CADM2: variants seen among roughly 807,000 people sequenced by gnomAD.
CADM2 encodes immunoglobulin superfamily member 4D.
Under a neutral mutation model 49.8 loss-of-function variants are expected in CADM2, and 12 were observed. The observed-to-expected ratio is 0.24, with a 90% CI of 0.15 to 0.39. The LOEUF (loss-of-function observed/expected upper bound fraction) is 0.39, where lower values mean the gene tolerates loss of function less well. Ranked by LOEUF, CADM2 falls within the 10% of genes least tolerant of loss-of-function variation. The probability of loss-of-function intolerance (pLI) is 1.00; values close to 1 mark genes in which losing one functional copy is unlikely to be tolerated. For missense variants in CADM2, 378 were observed against 492.3 expected, an observed-to-expected ratio of 0.77 and a Z score of 2.20; for synonymous variants, 214 against 175.4, an observed-to-expected ratio of 1.22 and a Z score of -1.74.
intron 5 of CADM2, among the ~76,000 whole-genome samples, chr3:85,892,036 C>G (rs1302816766): frequency 6.6e-6 from 1 of 152,142 alleles, no homozygotes; most frequent in East Asian, 1.9e-4. Flanking sequence ...TTCATGGTCA[C>G]ACATCTGGCA....
chr3:84,965,578 T>A (rs935938151), intron 1 of CADM2, among the ~76,000 whole-genome samples: 3 of 152,242 alleles, frequency 2.0e-5, no homozygotes, highest in Non-Finnish European at 2.9e-5. Context: ...GGTGAACATT[T>A]AATTTTCTTC....
chr3:85,377,032 T>C (rs2033631296), intron 1 of CADM2, among the ~76,000 whole-genome samples: 1 of 152,090 alleles, frequency 6.6e-6, no homozygotes, highest in Non-Finnish European at 1.5e-5. Flanking sequence ...CATAACAGAA[T>C]CTGACCTAGT....
chr3:85,260,929 C>T (rs2043001487), intron 1 of CADM2, among the ~76,000 whole-genome samples: 1 of 152,112 alleles, frequency 6.6e-6, no homozygotes, highest in South Asian at 2.1e-4. Context: ...AATCGGTTCT[C>T]AGAAATCTTA....
At chr3:85,395,964 T>G in intron 1 of CADM2, among the ~76,000 whole-genome samples, 1 of 148,648 alleles carries the variant, frequency 6.7e-6, no homozygotes, top group South Asian at 2.1e-4. Flanking sequence ...ATATTTAAAT[T>G]ATCATAATGA....
chr3:85,314,340 C>T (rs2044416435), intron 1 of CADM2, among the ~76,000 whole-genome samples: 1 of 151,462 alleles, frequency 6.6e-6, no homozygotes, highest in Non-Finnish European at 1.5e-5. Context: ...TAAAAAACCA[C>T]ACTGTTGCAA....
At chr3:85,916,322 TC>T (rs1718313441) in intron 6 of CADM2, among the ~76,000 whole-genome samples, 1 of 103,408 alleles carries the variant, frequency 9.7e-6, no homozygotes, top group South Asian at 4.1e-4. Flanking sequence ...CCCTTCCCCC[TC>T]CCCCCACCCC....
intron 1 of CADM2, among the ~76,000 whole-genome samples, chr3:85,584,036 A>T (rs932374250): frequency 3.9e-5 from 6 of 152,072 alleles, no homozygotes; most frequent in Non-Finnish European, 5.9e-5. Flanking sequence ...TTTATTTATA[A>T]TGCAATTTGT....
At chr3:85,899,662 TTAAG>T (rs1277777486) in intron 5 of CADM2, among the ~76,000 whole-genome samples, 2 of 152,206 alleles carry the variant, frequency 1.3e-5, no homozygotes, top group Non-Finnish European at 2.9e-5. Flanking sequence ...TAAAAATTTA[TTAAG>T]TGAGACCAGA....
chr3:85,122,659 T>G (rs1481468310), intron 1 of CADM2, among the ~76,000 whole-genome samples: 1 of 152,050 alleles, frequency 6.6e-6, no homozygotes, highest in Non-Finnish European at 1.5e-5. Context: ...CATATATATG[T>G]TTATTTATTT....
intron 1 of CADM2, among the ~76,000 whole-genome samples, chr3:85,479,817 G>A (rs369252600): frequency 1.3e-5 from 2 of 151,842 alleles, no homozygotes; most frequent in East Asian, 3.9e-4. Flanking sequence ...TGGGAGAAAA[G>A]GATATGTCCT....
At chr3:85,421,373 A>G (rs1248375786) in intron 1 of CADM2, among the ~76,000 whole-genome samples, 4 of 152,262 alleles carry the variant, frequency 2.6e-5, no homozygotes, top group South Asian at 2.1e-4. Flanking sequence ...TGTAGGCGAT[A>G]TTTAGGAATG....
At chr3:84,999,191 G>A (rs1265510912) in intron 1 of CADM2, among the ~76,000 whole-genome samples, 1 of 152,056 alleles carries the variant, frequency 6.6e-6, no homozygotes, top group East Asian at 1.9e-4. Context: ...GTCATTTCTT[G>A]TTATGTTCTA....
In CADM2 at chr3:84,986,763, A is replaced by AT. The variant is rs539634079; in HGVS notation, c.61+27096dup. Among the ~76,000 whole-genome samples, 672 of 137,766 alleles carry AT rather than the reference A, an allele frequency of 4.9e-3. 7 individuals carry two copies. The highest frequency in any genetic ancestry group is 0.016 in the African/African-American group (634 of 40,646). The allele number at this position is 137,766 out of a possible 152,430, so 90.4% of individuals were successfully genotyped here. ...AAACTTAAAGTATAATAATAATAAA[A>AT]TAAAAAAAAAAGAAGCATACTCACT... On this transcript the variant is annotated intron_variant, in intron 1 of 9. Transcript: ENST00000383699.
intron 8 of CADM2, among the ~76,000 whole-genome samples, chr3:86,005,505 C>T (rs1451063602): frequency 1.4e-5 from 2 of 147,422 alleles, no homozygotes; most frequent in East Asian, 2.0e-4. Context: ...GAGCCGAGAT[C>T]ACACCATTCC....
intron 1 of CADM2, among the ~76,000 whole-genome samples, chr3:85,156,802 C>T (rs2040140326): frequency 6.6e-6 from 1 of 152,150 alleles, no homozygotes; most frequent in Non-Finnish European, 1.5e-5. Context: ...CCTCTCTCAC[C>T]ACTCCTATTC....
chr3:85,352,144 T>C (rs1382323657), intron 1 of CADM2, among the ~76,000 whole-genome samples: 2 of 152,144 alleles, frequency 1.3e-5, no homozygotes, highest in African/African-American at 4.8e-5. Flanking sequence ...TTTTTTGAGG[T>C]TTCTTAAAAG....
chr3:85,411,404 C>T (rs1328754771), intron 1 of CADM2, among the ~76,000 whole-genome samples: 1 of 151,942 alleles, frequency 6.6e-6, no homozygotes, highest in African/African-American at 2.4e-5. Flanking sequence ...AGTGCTAGTA[C>T]CATTTTAAAT....
Position 86,072,604 on chromosome 3 carries a change from A to G in CADM2, c.*5821A>G, listed in dbSNP as rs1007848098. ...ACTTTTAAGTGCGGTATGAAATGCA[A>G]CATTACGCTTACAAACAGTACTGTC... On this transcript the variant is annotated 3_prime_UTR_variant, in exon 10 of 10. Transcript: ENST00000383699. The G allele has an allele frequency of 1.3e-5, 2 of 152,028 alleles. No individual in the cohort carries two copies. The highest frequency in any genetic ancestry group is 2.1e-4 in the South Asian group (1 of 4,830). The allele number at this position is 152,028 out of a possible 1,614,324, so 9.4% of individuals were successfully genotyped here.
Position 85,959,058 on chromosome 3 carries a change from CTATATCTA to C in CADM2, c.792-2398_792-2391del, listed in dbSNP as rs1419906619. On this transcript the variant is annotated intron_variant, in intron 7 of 9. Transcript: ENST00000383699. ...TATCTATATCTATATATCTATATAT[CTATATCTA>C]TATATCTATATAGCTATATCTATAT... Among the ~76,000 whole-genome samples, 6 of 150,448 alleles carry C rather than the reference CTATATCTA, an allele frequency of 4.0e-5. No individual in the cohort carries two copies. In the East Asian group the frequency reaches 5.9e-4, roughly 15 times the overall value.
Sources: gnomAD v4.1 joint callset for allele counts (sites outside exome capture counted in the v4.1 genomes callset) on GRCh38, gnomAD v4.1.1 for gene constraint, MANE v1.5 for transcripts, NCBI Gene and HGNC (gene_info 2026-07-23, HGNC 2026-07-21) for gene names.